Variants in IL17RA observed in about 807,000 individuals in gnomAD.
The protein encoded by IL17RA is interleukin 17 receptor A.
In IL17RA, 34 loss-of-function variants were observed where a neutral mutation model predicts 50.4. The ratio of observed to expected loss-of-function variants is 0.67; its 90% CI spans 0.51 to 0.90. The LOEUF is 0.90. IL17RA is among the 40% of genes least tolerant of loss of function. The probability of loss-of-function intolerance (pLI) is 0.00; values close to 1 mark genes in which losing one functional copy is unlikely to be tolerated. For synonymous variants in IL17RA, 585 were observed against 510.4 expected, an observed-to-expected ratio of 1.15 and a Z score of -1.97; for missense variants, 1,276 against 1,169.8, an observed-to-expected ratio of 1.09 and a Z score of -1.32.
rs2061444137 is a variant in IL17RA, at chr22:17,111,809, C to G, written c.*1989C>G. 1 of 152,164 alleles carries G rather than the reference C, an allele frequency of 6.6e-6. No homozygotes were observed. Among genetic ancestry groups the G allele is most frequent in the Non-Finnish European group, 1.5e-5 (1 of 68,044 alleles). 9.4% of individuals were successfully genotyped at this position (152,164 alleles called of 1,614,324 possible). A position where few individuals can be genotyped will look rare whatever the true frequency, so the allele number is the denominator to read the frequency against. ...TTGTTGATCTGGTAAGAGTTTCTAG[C>G]AGGAAGGTCGAGCCACTTACTGTAG... is the stretch of plus-strand genomic sequence containing the variant. On this transcript the variant is annotated 3_prime_UTR_variant, in exon 13 of 13. Coordinates refer to ENST00000319363, the MANE Select transcript of IL17RA (RefSeq NM_014339.7).
chr22:17,102,258 A>G lies in IL17RA; in HGVS notation c.718A>G (p.Met240Val), dbSNP rs1433880642. 1.9e-6 allele frequency: 3 copies of G among 1,614,182 alleles called. No individual in the cohort carries two copies. Among genetic ancestry groups the G allele is most frequent in the Admixed American group, 1.7e-5 (1 of 60,026 alleles). ...YQILLTSFPHMENHSCFEHMH... is the reference protein window; with the variant it reads ...YQILLTSFPHVENHSCFEHMH... ...GATCCTGCTGACCAGTTTTCCGCACATGGAGAACCACAGTTGCTTTGAGCA... is the reference window on the plus strand; with the variant it reads ...GATCCTGCTGACCAGTTTTCCGCACGTGGAGAACCACAGTTGCTTTGAGCA... Residue 240 changes from methionine (M) to valine (V), a missense_variant, in exon 7 of 13, where the codon ATG becomes GTG. Transcript: ENST00000319363.
At position 17,109,166 on chromosome 22, in the gene IL17RA, G is replaced by A. The variant is rs1425123393; in HGVS notation, c.1947G>A (p.Lys649=). The A allele has an allele frequency of 2.0e-6, 3 of 1,530,546 alleles. No individual in the cohort carries two copies. The highest frequency in any genetic ancestry group is 3.9e-5 in the Admixed American group (2 of 50,702). 94.8% of individuals were successfully genotyped at this position (1,530,546 alleles called of 1,614,324 possible). A position where few individuals can be genotyped will look rare whatever the true frequency, so the allele number is the denominator to read the frequency against. ...AGGAAGGAGGAGCAGCAGTGGCAAA[G>A]CTGGAACCTCACCTGCAGCCCCGGG... The part of the protein sequence containing the change: ...VGEEGGAAVA[K]LEPHLQPRGQ... The change falls in exon 13 of 13, where the codon AAG becomes AAA. Residue 649 remains lysine, a synonymous_variant. Transcript: ENST00000319363.
Position 17,101,987 on chromosome 22 carries a change from G to T in IL17RA, c.551-9G>T, listed in dbSNP as rs17205308. On this transcript the variant is annotated splice_polypyrimidine_tract_variant and intron_variant, in intron 5 of 12. Coordinates refer to ENST00000319363, the MANE Select transcript of IL17RA (RefSeq NM_014339.7). The stretch of plus-strand genomic sequence containing the variant: ...GGCTTAATGAGTTTCCTTTTTTCTG[G>T]GTCGACAGACTGTGAGCACGCCAGG... 9,643 of 1,614,086 alleles carry T rather than the reference G, an allele frequency of 6.0e-3. 301 individuals are homozygous for T. In the East Asian group the frequency reaches 0.094, roughly 16 times the overall value.
In IL17RA at chr22:17,097,958, C is replaced by T. The variant is rs771293597; in HGVS notation, c.310+15C>T. 3.1e-6 allele frequency: 5 copies of T among 1,613,672 alleles called. No homozygotes were observed. In the South Asian group the frequency reaches 5.5e-5, roughly 18 times the overall value. ...GCAGACAGACGGTGAGTGGGCATGC[C>T]AGCAGGGCCCTGGGGGATTCTCCCT... On this transcript the variant is annotated intron_variant, in intron 3 of 12. Coordinates refer to ENST00000319363, the MANE Select transcript of IL17RA (RefSeq NM_014339.7).
Position 17,109,319 on chromosome 22 carries a change from C to T in IL17RA, c.2100C>T (p.Gly700=), listed in dbSNP as rs566222386. Residue 700 remains glycine, a synonymous_variant, in exon 13 of 13, where the codon GGC becomes GGT. Coordinates refer to ENST00000319363, the MANE Select transcript of IL17RA (RefSeq NM_014339.7). The part of the protein sequence containing the change: ...AAVRLALAGE[G]EACPLLGSPG... Reference sequence around the variant, plus strand: ...TCCGGCTGGCACTGGCGGGGGAGGGCGAGGCCTGCCCGCTGCTGGGCAGCC... The same window carrying T: ...TCCGGCTGGCACTGGCGGGGGAGGGTGAGGCCTGCCCGCTGCTGGGCAGCC... 16 of 1,534,732 alleles carry T rather than the reference C, an allele frequency of 1.0e-5. No homozygotes were observed. Among genetic ancestry groups the T allele is most frequent in the Admixed American group, 1.9e-5 (1 of 51,904 alleles).
At chr22:17,094,689 CTCTATATA>C (rs2061361696) in intron 1 of IL17RA, among the ~76,000 whole-genome samples, 1 of 39,310 alleles carries the variant, frequency 2.5e-5, no homozygotes, top group South Asian at 8.3e-4. Flanking sequence ...CTCTCTCTCT[CTCTATATA>C]TATATATATA....
At position 17,112,259 on chromosome 22, in the gene IL17RA, C is replaced by T. The variant is rs2061446337; in HGVS notation, c.*2439C>T. On this transcript the variant is annotated 3_prime_UTR_variant, in exon 13 of 13. Coordinates refer to ENST00000319363, the MANE Select transcript of IL17RA (RefSeq NM_014339.7). Reference sequence around the variant, plus strand: ...TCCTGATGGGCATTGCCTACTATCTCCAGGGCAGCTGCCTTTGTCCTCCTA... The same window carrying T: ...TCCTGATGGGCATTGCCTACTATCTTCAGGGCAGCTGCCTTTGTCCTCCTA... The T allele has an allele frequency of 6.6e-6, 1 of 152,214 alleles. No homozygotes were observed. 9.4% of individuals were successfully genotyped at this position (152,214 alleles called of 1,614,324 possible).
In IL17RA at chr22:17,097,042, C is replaced by T; in HGVS notation, c.139-20C>T. Reference sequence around the variant, plus strand: ...TCAAGCCTTTTCCCAGCTGTAATAACCACCCTCTTTTTTCCACAGGGGCTA... The same window carrying T: ...TCAAGCCTTTTCCCAGCTGTAATAATCACCCTCTTTTTTCCACAGGGGCTA... On this transcript the variant is annotated intron_variant, in intron 1 of 12. Transcript: ENST00000319363. The T allele has an allele frequency of 6.2e-7, 1 of 1,612,164 alleles. No homozygotes were observed. The highest frequency in any genetic ancestry group is 8.5e-7 in the Non-Finnish European group (1 of 1,178,250).
In IL17RA at chr22:17,107,613, C is replaced by T. The variant is rs2061419641; in HGVS notation, c.1046-114C>T. On this transcript the variant is annotated intron_variant, in intron 11 of 12. Coordinates refer to ENST00000319363, the MANE Select transcript of IL17RA (RefSeq NM_014339.7). ...CTAGCACGGCCTCGCTGCTCAGTCTCGGGGCTGCCCCCTTACCCTTCACCC... is the reference window on the plus strand; with the variant it reads ...CTAGCACGGCCTCGCTGCTCAGTCTTGGGGCTGCCCCCTTACCCTTCACCC... 1.6e-5 allele frequency: 14 copies of T among 895,848 alleles called. No homozygotes were observed. In the Middle Eastern group the frequency reaches 8.6e-4, roughly 55 times the overall value. 55.5% of individuals were successfully genotyped at this position (895,848 alleles called of 1,614,324 possible).
At chr22:17,091,408 A>G (rs1283199632) in intron 1 of IL17RA, among the ~76,000 whole-genome samples, 4 of 152,264 alleles carry the variant, frequency 2.6e-5, no homozygotes, top group Non-Finnish European at 2.9e-5. Context: ...CGGGCGCCGT[A>G]GCTTACGCCT....
chr22:17,101,634 C>T (rs1355106112), intron 5 of IL17RA, among the ~76,000 whole-genome samples: 2 of 152,224 alleles, frequency 1.3e-5, no homozygotes, highest in Admixed American at 6.5e-5. Context: ...CAGTCCCTGT[C>T]CCTCCATGGT....
intron 1 of IL17RA, among the ~76,000 whole-genome samples, chr22:17,094,148 TAATTTTTGTATTTTTA>T (rs1431300142): frequency 2.6e-5 from 4 of 152,000 alleles, no homozygotes; most frequent in Non-Finnish European, 5.9e-5. Context: ...CACACCCAGC[TAATTTTTGTATTTTTA>T]GTAGAGACAG....
chr22:17,101,489 GC>G (rs2061391235), intron 5 of IL17RA, among the ~76,000 whole-genome samples: 1 of 152,230 alleles, frequency 6.6e-6, no homozygotes, highest in Admixed American at 6.5e-5. Flanking sequence ...TCTCCAGGGG[GC>G]AGGGCTTTGT....
intron 5 of IL17RA, among the ~76,000 whole-genome samples, chr22:17,100,775 G>A (rs1392019400): frequency 1.3e-5 from 2 of 152,196 alleles, no homozygotes; most frequent in Admixed American, 6.5e-5. Flanking sequence ...CACCCAGCCT[G>A]CCCAGAAAAT....
chr22:17,105,688 G>C, intron 10 of IL17RA, 86 bp downstream of exon 10: 1 of 1,507,080 alleles, frequency 6.6e-7, no homozygotes, highest in Non-Finnish European at 9.2e-7. Context: ...CCTCAGCCAG[G>C]CAGACAAGGC....
rs1047539971 is a variant in IL17RA, at chr22:17,085,348, C to T, written c.138+119C>T. ...CTGGGGAGGCAGGAAGTCCGCGCCG[C>T]GGGCTTAGAGGGGCTCAGAGCCTTG... is the stretch of plus-strand genomic sequence containing the variant. On this transcript the variant is annotated intron_variant, in intron 1 of 12. Coordinates refer to ENST00000319363, the MANE Select transcript of IL17RA (RefSeq NM_014339.7). 3 of 1,478,222 alleles carry T rather than the reference C, an allele frequency of 2.0e-6. No individual in the cohort carries two copies. The African/African-American group carries it at 4.3e-5, about 21-fold the overall frequency. The allele number at this position is 1,478,222 out of a possible 1,614,324, so 91.6% of individuals were successfully genotyped here. A position where few individuals can be genotyped will look rare whatever the true frequency, so the allele number is the denominator to read the frequency against.
Position 17,104,718 on chromosome 22 carries a change from G to A in IL17RA, c.847-8G>A. ...CTGGAGCCCTTTTCCTGCCCTCTCTGCCCGCAGATCCAGCCCTTCTTCAGC... is the reference window on the plus strand; with the variant it reads ...CTGGAGCCCTTTTCCTGCCCTCTCTACCCGCAGATCCAGCCCTTCTTCAGC... On this transcript the variant is annotated splice_polypyrimidine_tract_variant and splice_region_variant and intron_variant, in intron 8 of 12. Transcript: ENST00000319363. The A allele has an allele frequency of 1.2e-6, 2 of 1,613,876 alleles. No homozygotes were observed. Among genetic ancestry groups the A allele is most frequent in the South Asian group, 1.1e-5 (1 of 91,080 alleles).
At chr22:17,094,691 C>CTCTCTCTCTCTCTCTCTATATA (rs1448096911) in intron 1 of IL17RA, among the ~76,000 whole-genome samples, 1 of 24,704 alleles carries the variant, frequency 4.0e-5, no homozygotes, top group African/African-American at 2.3e-4. Flanking sequence ...CTCTCTCTCT[C>CTCTCTCTCTCTCTCTCTATATA]TATATATATA....
intron 1 of IL17RA, among the ~76,000 whole-genome samples, chr22:17,092,173 G>A (rs1197455904): frequency 6.6e-6 from 1 of 152,168 alleles, no homozygotes; most frequent in Non-Finnish European, 1.5e-5. Context: ...TAAAAACGGG[G>A]TTCAGAGAGC....
Sources: allele counts gnomAD v4.1 joint callset (sites outside exome capture counted in the v4.1 genomes callset), GRCh38; gene constraint gnomAD v4.1.1; transcripts MANE v1.5; gene names NCBI Gene and HGNC (gene_info 2026-07-23, HGNC 2026-07-21).